Variants in RNF144A observed in about 807,000 individuals in gnomAD.
The protein encoded by RNF144A is E3 ubiquitin-protein ligase RNF144A.
Under a neutral mutation model 38.7 loss-of-function variants are expected in RNF144A, and 11 were observed. The observed-to-expected ratio is 0.28, with a 90% CI of 0.18 to 0.47. RNF144A has a LOEUF of 0.47. RNF144A is among the 20% of genes least tolerant of loss of function. The probability of loss-of-function intolerance (pLI) is 0.99; values close to 1 mark genes in which losing one functional copy is unlikely to be tolerated. For synonymous variants in RNF144A, 149 were observed against 143.9 expected, an observed-to-expected ratio of 1.04 and a Z score of -0.25; for missense variants, 316 against 377.2, an observed-to-expected ratio of 0.84 and a Z score of 1.34.
rs184347828 is a variant in RNF144A, at chr2:7,039,159, G to T, written c.748-470G>T. 3.7e-3 allele frequency among the ~76,000 whole-genome samples: 532 copies of T among 143,794 alleles called. 3 individuals carry two copies. The highest frequency in any genetic ancestry group is 5.5e-3 in the Non-Finnish European group (362 of 65,874). 94.3% of individuals were successfully genotyped at this position (143,794 alleles called of 152,430 possible). On this transcript the variant is annotated intron_variant, in intron 8 of 8. Transcript: ENST00000320892. ...AGGTGGATGGATGGATAGAGAGATGGATGATGGTTAATGGATGAATGGGTA... is the reference window on the plus strand; with the variant it reads ...AGGTGGATGGATGGATAGAGAGATGTATGATGGTTAATGGATGAATGGGTA...
At chr2:7,049,104 G>T (rs1431900764), downstream of RNF144A, among the ~76,000 whole-genome samples, 1 of 152,210 alleles carries the variant, frequency 6.6e-6, no homozygotes. Flanking sequence ...GGGAAGGCAG[G>T]GCCTGGGGAG....
At chr2:6,996,542 C>G (rs945586619) in intron 2 of RNF144A, among the ~76,000 whole-genome samples, 11 of 152,106 alleles carry the variant, frequency 7.2e-5, no homozygotes, top group African/African-American at 2.4e-4. Context: ...ATCATGAGGT[C>G]AGGAGATCGA....
At chr2:6,969,514 GA>G (rs1366560618) in intron 2 of RNF144A, among the ~76,000 whole-genome samples, 1 of 152,186 alleles carries the variant, frequency 6.6e-6, no homozygotes, top group Non-Finnish European at 1.5e-5. Flanking sequence ...AGAAGTGTGA[GA>G]AAATACATTT....
chr2:6,969,497 A>G (rs1282236924), intron 2 of RNF144A, among the ~76,000 whole-genome samples: 1 of 152,178 alleles, frequency 6.6e-6, no homozygotes, highest in Non-Finnish European at 1.5e-5. Context: ...ATGCTCCTGC[A>G]TCTTCCAGAA....
chr2:7,027,975 G>A (rs1672026708), intron 7 of RNF144A, among the ~76,000 whole-genome samples: 1 of 132,700 alleles, frequency 7.5e-6, no homozygotes. Flanking sequence ...CTGGTGAGAT[G>A]AGGGTGGGGG....
At chr2:7,051,124 C>G (rs375905998) in intron 6 of RNF144A, among the ~76,000 whole-genome samples, 3 of 152,284 alleles carry the variant, frequency 2.0e-5, no homozygotes, top group East Asian at 1.9e-4. Flanking sequence ...AGCTCCACCC[C>G]CTGCAGGAGA....
At chr2:6,959,264 T>C (rs866601590) in intron 2 of RNF144A, among the ~76,000 whole-genome samples, 2 of 152,178 alleles carry the variant, frequency 1.3e-5, no homozygotes, top group South Asian at 4.2e-4. Context: ...CAGTGGGACA[T>C]TGGGGTATGG....
At chr2:6,995,631 C>T (rs1212787818) in intron 2 of RNF144A, among the ~76,000 whole-genome samples, 3 of 152,192 alleles carry the variant, frequency 2.0e-5, no homozygotes, top group Non-Finnish European at 4.4e-5. Context: ...GAAAGCCCAG[C>T]ACAGGAGAAC....
chr2:6,970,556 A>G (rs909385103), intron 2 of RNF144A, among the ~76,000 whole-genome samples: 13 of 152,208 alleles, frequency 8.5e-5, no homozygotes, highest in Admixed American at 2.6e-4. Flanking sequence ...ATATGCAACT[A>G]CTTCAAAATC....
chr2:7,012,309 G>C (rs1032481392), intron 3 of RNF144A, among the ~76,000 whole-genome samples: 6 of 152,198 alleles, frequency 3.9e-5, no homozygotes, highest in African/African-American at 1.4e-4. Context: ...ATTATGCCAG[G>C]TGCTTTCATA....
rs1449543699 is a variant in RNF144A, at chr2:6,941,440, A to G, written c.-12+293A>G. 6.6e-6 allele frequency among the ~76,000 whole-genome samples: 1 copy of G among 152,212 alleles called. No individual in the cohort carries two copies. Among genetic ancestry groups the G allele is most frequent in the Non-Finnish European group, 1.5e-5 (1 of 68,040 alleles). On this transcript the variant is annotated intron_variant, in intron 2 of 8. Transcript: ENST00000320892. This position sits in a 1 kb window ranked among gnomAD's most constrained non-coding sequence, Gnocchi z 6.5. ...GAGTCTCCTGTTTTAGATCTCCCTG[A>G]TTCACTAGAGAACACGTGGATTGAG...
At chr2:7,060,289 G>A (rs964809201) in intron 6 of RNF144A, among the ~76,000 whole-genome samples, 7 of 151,472 alleles carry the variant, frequency 4.6e-5, no homozygotes, top group Non-Finnish European at 2.9e-5. Flanking sequence ...CTAATCTAAG[G>A]TTTCCAGATG....
At chr2:6,966,574 G>GC (rs1667679851) in intron 2 of RNF144A, among the ~76,000 whole-genome samples, 1 of 152,166 alleles carries the variant, frequency 6.6e-6, no homozygotes, top group South Asian at 2.1e-4. Flanking sequence ...GTCTAAAGCA[G>GC]CCCACTATAA....
At chr2:6,947,021 A>G (rs1170203067) in intron 2 of RNF144A, among the ~76,000 whole-genome samples, 1 of 152,100 alleles carries the variant, frequency 6.6e-6, no homozygotes, top group African/African-American at 2.4e-5. Flanking sequence ...GAAGTTCAAG[A>G]CTTGAGTTTC....
Position 6,917,734 on chromosome 2 carries a change from C to T in RNF144A, c.-212+112C>T, listed in dbSNP as rs1664215314. ...CCTTGGGGCTCGGGGCTTGCGGCCG[C>T]GCCTGCCCCGCTGGGTCCTGCCCCG... is the stretch of plus-strand genomic sequence containing the variant. On this transcript the variant is annotated intron_variant, in intron 1 of 8. Transcript: ENST00000320892. This position sits in a 1 kb window ranked among gnomAD's most constrained non-coding sequence, Gnocchi z 4.8. The T allele has an allele frequency of 6.7e-6, 1 of 148,738 alleles. No homozygotes were observed. Among genetic ancestry groups the T allele is most frequent in the Non-Finnish European group, 1.5e-5 (1 of 66,800 alleles). 9.2% of individuals were successfully genotyped at this position (148,738 alleles called of 1,614,324 possible). A position where few individuals can be genotyped will look rare whatever the true frequency, so the allele number is the denominator to read the frequency against.
downstream of RNF144A, among the ~76,000 whole-genome samples, chr2:7,046,295 T>C (rs371410756): frequency 8.5e-5 from 13 of 152,178 alleles, no homozygotes; most frequent in African/African-American, 3.1e-4. Context: ...CTCGCTCTTC[T>C]CTAGCTAAAG....
downstream of RNF144A, chr2:7,068,342 C>A: frequency 1.2e-6 from 1 of 858,800 alleles, no homozygotes; most frequent in Non-Finnish European, 1.7e-6. Flanking sequence ...TGGGTAGTGG[C>A]ACCGTGAAAC....
intron 2 of RNF144A, among the ~76,000 whole-genome samples, chr2:6,987,114 G>T (rs60187857): frequency 1.3e-5 from 2 of 152,224 alleles, no homozygotes; most frequent in South Asian, 2.1e-4. Flanking sequence ...ACCGAGAAAC[G>T]TTTAAGTTTG....
At chr2:6,920,136 G>A (rs916664479) in intron 1 of RNF144A, among the ~76,000 whole-genome samples, 3 of 152,204 alleles carry the variant, frequency 2.0e-5, no homozygotes, top group Non-Finnish European at 2.9e-5. Context: ...TACAAGCTAC[G>A]TTGCCTGCCT....
Sources: allele counts gnomAD v4.1 joint callset (sites outside exome capture counted in the v4.1 genomes callset), GRCh38; gene constraint gnomAD v4.1.1; non-coding constraint Gnocchi (gnomAD v3.1); transcripts MANE v1.5; gene names NCBI Gene and HGNC (gene_info 2026-07-23, HGNC 2026-07-21).